The following AHCYL1 variants were observed in gnomAD, a reference collection of about 807,000 sequenced individuals.
AHCYL1 encodes S-adenosylhomocysteine hydrolase-like protein 1.
A neutral mutation model predicts 79.3 loss-of-function variants in AHCYL1; 20 were observed. The ratio of observed to expected loss-of-function variants is 0.25; its 90% CI spans 0.18 to 0.37. AHCYL1 has a LOEUF of 0.37. Ranked by LOEUF, AHCYL1 falls within the 10% of genes least tolerant of loss-of-function variation. The pLI, the probability that AHCYL1 is intolerant of heterozygous loss-of-function variation, is 1.00. For synonymous variants in AHCYL1, 223 were observed against 242.2 expected, an observed-to-expected ratio of 0.92 and a Z score of 0.74; for missense variants, 330 against 673.6, an observed-to-expected ratio of 0.49 and a Z score of 5.65.
In AHCYL1 at chr1:109,985,362, T is replaced by A. The variant is rs554718420; in HGVS notation, c.120+190T>A. On this transcript the variant is annotated intron_variant, in intron 1 of 16. Transcript: ENST00000369799. Reference sequence around the variant, plus strand: ...AAGGCCGCCTCTGACCTCGCTTTCCTTTGTCCCTCGGCCCAAGTCCTCCGG... The same window carrying A: ...AAGGCCGCCTCTGACCTCGCTTTCCATTGTCCCTCGGCCCAAGTCCTCCGG... 6.5e-4 allele frequency: 857 copies of A among 1,317,526 alleles called. 12 individuals are homozygous for A. The South Asian group carries it at 0.015, about 22-fold the overall frequency. 81.6% of individuals were successfully genotyped at this position (1,317,526 alleles called of 1,614,324 possible). A position where few individuals can be genotyped will look rare whatever the true frequency, so the allele number is the denominator to read the frequency against.
chr1:109,998,155 T>C (rs1650119976), intron 1 of AHCYL1, among the ~76,000 whole-genome samples: 1 of 152,240 alleles, frequency 6.6e-6, no homozygotes, highest in African/African-American at 2.4e-5. Context: ...CACATACCAA[T>C]TATCTTTATT....
chr1:110,003,857 G>A (rs948453938), intron 1 of AHCYL1: 18 of 924,404 alleles, frequency 1.9e-5, no homozygotes, highest in South Asian at 1.0e-4. Flanking sequence ...AACTTCTTAT[G>A]TTTACTTCTA....
intron 1 of AHCYL1, among the ~76,000 whole-genome samples, chr1:109,986,277 C>G (rs936369592): frequency 2.0e-5 from 3 of 151,546 alleles, no homozygotes; most frequent in Non-Finnish European, 4.4e-5. Context: ...ATAGTTAAGT[C>G]CTTGAGGCTT....
chr1:110,002,177 A>G (rs1031782420), intron 1 of AHCYL1, among the ~76,000 whole-genome samples: 1 of 152,262 alleles, frequency 6.6e-6, no homozygotes, highest in Non-Finnish European at 1.5e-5. Flanking sequence ...CTCTACCAAA[A>G]GAACCTAGGA....
At chr1:110,007,596 A>G (rs6676611) in intron 1 of AHCYL1, among the ~76,000 whole-genome samples, 1,709 of 152,334 alleles carry the variant, frequency 0.011, 39 homozygotes, top group African/African-American at 0.039. Context: ...TGCAGCTGTA[A>G]CTAATGGGTA....
chr1:110,006,498 A>G (rs1398423605), intron 1 of AHCYL1, among the ~76,000 whole-genome samples: 1 of 152,210 alleles, frequency 6.6e-6, no homozygotes. Flanking sequence ...TTTGCCTTAA[A>G]TGAGTGAGTC....
Position 110,023,180 on chromosome 1 carries a change from CAG to C in AHCYL1, c.*1506_*1507del, listed in dbSNP as rs2101751372. The stretch of plus-strand genomic sequence containing the variant: ...TAGAAATTTTCACTTTTCCACTGAT[CAG>C]AGAGACAGACATTAAAAACAAAAAT... On this transcript the variant is annotated 3_prime_UTR_variant, in exon 17 of 17. Transcript: ENST00000369799. 6.5e-6 allele frequency: 1 copy of C among 152,722 alleles called. No homozygotes were observed. Among genetic ancestry groups the C allele is most frequent in the South Asian group, 2.1e-4 (1 of 4,820 alleles). 9.5% of individuals were successfully genotyped at this position (152,722 alleles called of 1,614,324 possible).
In AHCYL1 at chr1:110,017,519, C is replaced by A; in HGVS notation, c.988C>A (p.Leu330Ile). 1 of 1,614,102 alleles carries A rather than the reference C, an allele frequency of 6.2e-7. No individual in the cohort carries two copies. The highest frequency in any genetic ancestry group is 1.1e-5 in the South Asian group (1 of 91,080). ...GGTAGGCAAGGGCTGCTGTGCTGCTCTCAAAGCTCTTGGAGCAATTGTCTA... is the reference window on the plus strand; with the variant it reads ...GGTAGGCAAGGGCTGCTGTGCTGCTATCAAAGCTCTTGGAGCAATTGTCTA... The part of the protein sequence containing the change: ...GEVGKGCCAA[L>I]KALGAIVYIT... The change falls in exon 10 of 17, where the codon CTC becomes ATC. Residue 330 changes from leucine to isoleucine, a missense_variant. Physicochemically the swap from Leu to Ile is conservative, Grantham distance 5. Transcript: ENST00000369799.
chr1:110,008,694 G>T (rs1218067389), intron 1 of AHCYL1, among the ~76,000 whole-genome samples: 5 of 152,206 alleles, frequency 3.3e-5, no homozygotes, highest in Non-Finnish European at 7.3e-5. Flanking sequence ...GGGAAGAAGG[G>T]TAAAGAGTTT....
At chr1:109,997,720 A>G (rs948086785) in intron 1 of AHCYL1, among the ~76,000 whole-genome samples, 1 of 152,184 alleles carries the variant, frequency 6.6e-6, no homozygotes, top group Non-Finnish European at 1.5e-5. Context: ...GGACACTGGG[A>G]GAGAGAATTA....
At chr1:109,998,517 G>T (rs571770695) in intron 1 of AHCYL1, among the ~76,000 whole-genome samples, 1 of 152,006 alleles carries the variant, frequency 6.6e-6, no homozygotes. Flanking sequence ...TCACTCATTC[G>T]CCCAGGCTGG....
At chr1:110,004,444 G>C in intron 1 of AHCYL1, 1 of 985,402 alleles carries the variant, frequency 1.0e-6, no homozygotes, top group South Asian at 4.7e-5. Context: ...GAGATAAGTT[G>C]TTTTCTGGTG....
At chr1:110,000,465 C>T (rs750826648) in intron 1 of AHCYL1, among the ~76,000 whole-genome samples, 5 of 152,322 alleles carry the variant, frequency 3.3e-5, no homozygotes, top group Admixed American at 2.6e-4. Flanking sequence ...CAGTACTTTT[C>T]AATGGCAATT....
In AHCYL1 at chr1:110,012,936, C is replaced by T. The variant is rs754117077; in HGVS notation, c.517C>T (p.Arg173Cys). ...ACTCTGTGCCCTGGGGGCTCAGTGC[C>T]GCTGGTCTGCTTGTAACATCTACTC... ...ETLCALGAQC[R>C]WSACNIYSTQ... Residue 173 changes from arginine to cysteine, a missense_variant, in exon 5 of 17, where the codon CGC (arginine) becomes TGC (cysteine). By Grantham distance (180) the Arg-to-Cys change is radical. Coordinates refer to ENST00000369799, the MANE Select transcript of AHCYL1 (RefSeq NM_006621.7). 50 of 1,612,710 alleles carry T rather than the reference C, an allele frequency of 3.1e-5. No homozygotes were observed. Among genetic ancestry groups the T allele is most frequent in the African/African-American group, 1.3e-5 (1 of 74,852 alleles).
chr1:109,984,820 C>A lies in AHCYL1; in HGVS notation c.-233C>A. The A allele has an allele frequency of 8.9e-6, 3 of 338,606 alleles. No individual in the cohort carries two copies. Among genetic ancestry groups the A allele is most frequent in the Non-Finnish European group, 1.2e-5 (3 of 253,194 alleles). The allele number at this position is 338,606 out of a possible 1,614,324, so 21.0% of individuals were successfully genotyped here. A position where few individuals can be genotyped will look rare whatever the true frequency, so the allele number is the denominator to read the frequency against. On this transcript the variant is annotated 5_prime_UTR_variant, in exon 1 of 17. Transcript: ENST00000369799. ...GTGGCGGCGCGGGCAGGTCGGAGCT[C>A]GGAGCTGCTGTTCTGGTTCTCTTGT...
chr1:109,985,523 G>A (rs1376587146), intron 1 of AHCYL1: 2 of 1,005,668 alleles, frequency 2.0e-6, no homozygotes, highest in South Asian at 8.6e-5. Flanking sequence ...GGCATGGGGT[G>A]TACAGAAAAT....
At chr1:110,018,703 T>G in intron 13 of AHCYL1, 53 bp downstream of exon 13, 2 of 1,488,966 alleles carry the variant, frequency 1.3e-6, no homozygotes, top group Non-Finnish European at 1.9e-6. Context: ...TAGTTAGATC[T>G]ATGAGGGGGG....
In AHCYL1 at chr1:110,017,924, G is replaced by A. The variant is rs57487228; in HGVS notation, c.1053-22G>A. On this transcript the variant is annotated intron_variant, in intron 10 of 16. Transcript: ENST00000369799. Reference sequence around the variant, plus strand: ...CCACTGCCTTCTTGCTTTACTCATAGTGTTCCTTTCTTTTCTTCCAGCATG... The same window carrying A: ...CCACTGCCTTCTTGCTTTACTCATAATGTTCCTTTCTTTTCTTCCAGCATG... 184 of 1,613,100 alleles carry A rather than the reference G, an allele frequency of 1.1e-4. 2 individuals are homozygous for A. In the African/African-American group the frequency reaches 2.2e-3, roughly 19 times the overall value.
chr1:110,022,241 G>A lies in AHCYL1; in HGVS notation c.*561G>A, dbSNP rs1651848940. ...GTGTATAATGAGCATGGCTTGTTAAGATCAGGAGGCCCACTTGGATTTATA... is the reference window on the plus strand; with the variant it reads ...GTGTATAATGAGCATGGCTTGTTAAAATCAGGAGGCCCACTTGGATTTATA... On this transcript the variant is annotated 3_prime_UTR_variant, in exon 17 of 17. Coordinates refer to ENST00000369799, the MANE Select transcript of AHCYL1 (RefSeq NM_006621.7). 1 of 152,478 alleles carries A rather than the reference G, an allele frequency of 6.6e-6. No individual in the cohort carries two copies. Among genetic ancestry groups the A allele is most frequent in the South Asian group, 2.1e-4 (1 of 4,824 alleles). 9.4% of individuals were successfully genotyped at this position (152,478 alleles called of 1,614,324 possible).
Sources: gnomAD v4.1 joint callset for allele counts (sites outside exome capture counted in the v4.1 genomes callset) on GRCh38, gnomAD v4.1.1 for gene constraint, MANE v1.5 for transcripts, NCBI Gene and HGNC (gene_info 2026-07-23, HGNC 2026-07-21) for gene names.